IMMP2L: variants seen among roughly 807,000 people sequenced by gnomAD.
IMMP2L encodes mitochondrial inner membrane protease subunit 2.
A neutral mutation model predicts 19.3 loss-of-function variants in IMMP2L; 18 were observed. The ratio of observed to expected loss-of-function variants is 0.93; its 90% CI spans 0.64 to 1.38. IMMP2L has a LOEUF of 1.38. Ranked by LOEUF, IMMP2L falls within the 40% of genes most tolerant of loss-of-function variation. IMMP2L has a pLI of 0.00. For synonymous variants in IMMP2L, 76 were observed against 73.0 expected, an observed-to-expected ratio of 1.04 and a Z score of -0.21; for missense variants, 233 against 218.2, an observed-to-expected ratio of 1.07 and a Z score of -0.43.
At chr7:111,430,496 C>T (rs915997699) in intron 3 of IMMP2L, among the ~76,000 whole-genome samples, 6 of 151,574 alleles carry the variant, frequency 4.0e-5, no homozygotes, top group South Asian at 4.2e-4. Flanking sequence ...ACTATATAAT[C>T]CTGTTAGCCT....
At chr7:111,338,601 A>G (rs1436531350) in intron 3 of IMMP2L, among the ~76,000 whole-genome samples, 2 of 152,144 alleles carry the variant, frequency 1.3e-5, no homozygotes, top group Non-Finnish European at 2.9e-5. Flanking sequence ...ATAGCACAAA[A>G]AGCACACATG....
At chr7:110,903,776 C>CTT (rs796373597) in intron 4 of IMMP2L, among the ~76,000 whole-genome samples, 1 of 145,912 alleles carries the variant, frequency 6.9e-6, no homozygotes, top group African/African-American at 2.5e-5. Flanking sequence ...TCTGTTTTCA[C>CTT]TTTTTTTTTT....
chr7:110,849,559 T>C (rs186937489), intron 5 of IMMP2L, among the ~76,000 whole-genome samples: 87 of 152,182 alleles, frequency 5.7e-4, no homozygotes, highest in African/African-American at 1.9e-3. Context: ...TACGATAAAA[T>C]GTTCATTGTC....
chr7:111,194,244 G>A (rs1363054350), intron 3 of IMMP2L, among the ~76,000 whole-genome samples: 1 of 152,126 alleles, frequency 6.6e-6, no homozygotes, highest in Non-Finnish European at 1.5e-5. Flanking sequence ...CTTGTCTATT[G>A]TGACTTTTCA....
At chr7:111,447,657 C>T (rs931643992) in intron 3 of IMMP2L, among the ~76,000 whole-genome samples, 7 of 151,632 alleles carry the variant, frequency 4.6e-5, no homozygotes, top group East Asian at 3.9e-4. Flanking sequence ...AACTAAGGAA[C>T]GAAATCACCA....
At chr7:110,859,524 C>T (rs1290472456) in intron 5 of IMMP2L, among the ~76,000 whole-genome samples, 1 of 151,700 alleles carries the variant, frequency 6.6e-6, no homozygotes. Context: ...AGGCAGACTG[C>T]TTGAGCTCAG....
chr7:111,029,624 ATG>A (rs1235374362), intron 3 of IMMP2L, among the ~76,000 whole-genome samples: 1 of 152,202 alleles, frequency 6.6e-6, no homozygotes, highest in African/African-American at 2.4e-5. Flanking sequence ...TGATGGTCAA[ATG>A]TCTTCTGGCT....
At chr7:111,128,274 A>T (rs1801510223) in intron 3 of IMMP2L, among the ~76,000 whole-genome samples, 1 of 152,134 alleles carries the variant, frequency 6.6e-6, no homozygotes, top group Admixed American at 6.6e-5. Flanking sequence ...ATTCTACTAG[A>T]TTATATTCTG....
chr7:111,184,357 A>G lies in IMMP2L; in HGVS notation c.240-220792T>C, dbSNP rs137869919. ...ACCCTGAAAGGTATCATCATTTACA[A>G]AAATTATGTTGTACAGAATGAATTG... On this transcript the variant is annotated intron_variant, in intron 3 of 5. Transcript: ENST00000405709. Among the ~76,000 whole-genome samples the G allele has an allele frequency of 8.5e-5, 13 of 152,198 alleles. No homozygotes were observed. The East Asian group carries it at 2.1e-3, about 25-fold the overall frequency.
At chr7:111,546,568 T>G (rs1472754681) in intron 1 of IMMP2L, among the ~76,000 whole-genome samples, 1 of 152,198 alleles carries the variant, frequency 6.6e-6, no homozygotes, top group Non-Finnish European at 1.5e-5. Context: ...TAGTTTTTCT[T>G]TGCTTTTTGA....
chr7:110,785,824 C>T (rs2131111138), intron 5 of IMMP2L, among the ~76,000 whole-genome samples: 1 of 151,974 alleles, frequency 6.6e-6, no homozygotes, highest in East Asian at 1.9e-4. Flanking sequence ...TTTCAAGAAA[C>T]TATGATCTAT....
chr7:111,559,712 G>A (rs1190391701), intron 1 of IMMP2L, among the ~76,000 whole-genome samples: 1 of 151,996 alleles, frequency 6.6e-6, no homozygotes, highest in African/African-American at 2.4e-5. Context: ...AGAAAAACAG[G>A]GAGGGAAATT....
chr7:110,791,044 G>A (rs1344758045), intron 5 of IMMP2L, among the ~76,000 whole-genome samples: 1 of 151,364 alleles, frequency 6.6e-6, no homozygotes. Context: ...ACAAACTTCT[G>A]CCCATGAAAA....
Position 111,032,778 on chromosome 7 carries a change from C to T in IMMP2L, c.240-69213G>A, listed in dbSNP as rs961782756. The stretch of plus-strand genomic sequence containing the variant: ...TGGAGGCTGCAGTGAGCCAAGATTG[C>T]TCCACTGCATTCAAGCCTGGGTGAC... On this transcript the variant is annotated intron_variant, in intron 3 of 5. Coordinates refer to ENST00000405709, the MANE Select transcript of IMMP2L (RefSeq NM_032549.4). Among the ~76,000 whole-genome samples the T allele has an allele frequency of 9.3e-5, 14 of 150,912 alleles. 1 individual carries two copies. Among genetic ancestry groups the T allele is most frequent in the Non-Finnish European group, 1.5e-4 (10 of 67,658 alleles).
intron 3 of IMMP2L, among the ~76,000 whole-genome samples, chr7:111,258,888 G>C (rs1425355916): frequency 6.6e-6 from 1 of 151,910 alleles, no homozygotes; most frequent in Non-Finnish European, 1.5e-5. Flanking sequence ...CACTAAATGA[G>C]GAAATAAAAT....
chr7:110,954,508 C>G (rs1337162316), intron 4 of IMMP2L, among the ~76,000 whole-genome samples: 1 of 152,070 alleles, frequency 6.6e-6, no homozygotes, highest in Non-Finnish European at 1.5e-5. Context: ...CTATCTGATA[C>G]TTACTGAACA....
chr7:110,821,913 C>T (rs1803068890), intron 5 of IMMP2L, among the ~76,000 whole-genome samples: 1 of 151,994 alleles, frequency 6.6e-6, no homozygotes, highest in Admixed American at 6.6e-5. Context: ...CAGAGCAAGA[C>T]TCTTGTCTCA....
chr7:110,672,127 G>C (rs1791962523), intron 5 of IMMP2L, among the ~76,000 whole-genome samples: 1 of 152,062 alleles, frequency 6.6e-6, no homozygotes, highest in African/African-American at 2.4e-5. Flanking sequence ...ATAAAAGAAA[G>C]AGGTTTAATT....
intron 5 of IMMP2L, among the ~76,000 whole-genome samples, chr7:110,726,580 G>A (rs1454207750): frequency 6.6e-6 from 1 of 152,146 alleles, no homozygotes; most frequent in African/African-American, 2.4e-5. Context: ...AATTAAAAAG[G>A]GGAACTTATT....
Sources: allele counts gnomAD v4.1 joint callset (sites outside exome capture counted in the v4.1 genomes callset), GRCh38; gene constraint gnomAD v4.1.1; transcripts MANE v1.5; gene names NCBI Gene and HGNC (gene_info 2026-07-23, HGNC 2026-07-21).